The following TUBGCP5 variants were observed in gnomAD, a reference collection of about 807,000 sequenced individuals.
TUBGCP5 encodes the protein gamma-tubulin complex component 5.
TUBGCP5 carries 98 observed loss-of-function variants against 134.7 expected under a neutral mutation model. The ratio of observed to expected loss-of-function variants is 0.73; its 90% CI spans 0.62 to 0.86. The LOEUF (loss-of-function observed/expected upper bound fraction) is 0.86. Among genes scored for constraint, TUBGCP5 ranks in the 40% least tolerant of loss-of-function variants. TUBGCP5 has a pLI of 0.00. For synonymous variants in TUBGCP5, 456 were observed against 431.4 expected, an observed-to-expected ratio of 1.06 and a Z score of -0.71; for missense variants, 1,150 against 1,244.8, an observed-to-expected ratio of 0.92 and a Z score of 1.15.
Position 23,027,272 on chromosome 15 carries a change from A to T in TUBGCP5, c.657T>A (p.His219Gln). 1 of 1,613,998 alleles carries T rather than the reference A, an allele frequency of 6.2e-7. No individual in the cohort carries two copies. Among genetic ancestry groups the T allele is most frequent in the Admixed American group, 1.7e-5 (1 of 59,942 alleles). ...EPDDRSWLEH[H>Q]VVHQYWTARP... ...TGGCTGTCCAGTACTGATGGACCAC[A>T]TGATGTTCCAGCCAGCTTCGGTCAT... Residue 219 changes from histidine (H) to glutamine (Q), a missense_variant, in exon 7 of 23, where the codon CAT (histidine) becomes CAA (glutamine). His to Gln is a conservative substitution (Grantham distance 24, BLOSUM62 0). This residue lies in a region of TUBGCP5 where 453 missense variants were observed against 394.7 expected (regional missense o/e 1.15). Transcript: ENST00000615383.
chr15:22,995,237 C>A (rs1176362071), downstream of TUBGCP5, among the ~76,000 whole-genome samples: 1 of 151,662 alleles, frequency 6.6e-6, no homozygotes, highest in African/African-American at 2.4e-5. Context: ...GAGCGAGAAT[C>A]TGTCTAAAAT....
chr15:23,017,555 T>C (rs1246806834), intron 13 of TUBGCP5, among the ~76,000 whole-genome samples: 1 of 152,152 alleles, frequency 6.6e-6, no homozygotes, highest in East Asian at 1.9e-4. Context: ...TTATCGTCAC[T>C]GCCTTTTCAA....
At position 23,004,243 on chromosome 15, in the gene TUBGCP5, TA is replaced by T. The variant is rs767053553; in HGVS notation, c.2713-17del. The T allele has an allele frequency of 3.7e-6, 6 of 1,603,308 alleles. No individual in the cohort carries two copies. The highest frequency in any genetic ancestry group is 5.1e-6 in the Non-Finnish European group (6 of 1,177,256). ...TGTGTAGAATCTTGGAAGAGAAAGA[TA>T]AAAAGCTTCATCAGCAGCCTTCTTT... On this transcript the variant is annotated splice_polypyrimidine_tract_variant and intron_variant, in intron 19 of 22. Transcript: ENST00000615383.
intron 13 of TUBGCP5, among the ~76,000 whole-genome samples, chr15:23,014,989 TG>T (rs1488821884): frequency 2.6e-5 from 4 of 152,142 alleles, no homozygotes; most frequent in African/African-American, 7.2e-5. Context: ...TCCCAAACCC[TG>T]AGCCAGACCC....
At chr15:23,036,381 G>C (rs1231195517) in intron 3 of TUBGCP5, among the ~76,000 whole-genome samples, 1 of 152,156 alleles carries the variant, frequency 6.6e-6, no homozygotes, top group East Asian at 1.9e-4. Context: ...GCTTCTCCTA[G>C]ACTTTGCTCT....
rs758290609 is a variant in TUBGCP5 at position 23,039,433 on chromosome 15, G to A, written c.111C>T (p.Phe37=). The stretch of plus-strand genomic sequence containing the variant: ...ACCAGGCGAAGTTTAGGGCGAGCTG[G>A]AAGTTGGGGTCTGCCTCGTCCTGGA... ...AGLQDEADPN[F]QLALNFAWSN... The change falls in exon 1 of 23, where the codon TTC becomes TTT. Residue 37 remains phenylalanine, a synonymous_variant. Coordinates refer to ENST00000615383, the MANE Select transcript of TUBGCP5 (RefSeq NM_052903.6). 9.5e-5 allele frequency: 146 copies of A among 1,533,788 alleles called. 1 individual carries two copies. Among genetic ancestry groups the A allele is most frequent in the Middle Eastern group, 8.5e-4 (5 of 5,874 alleles).
chr15:22,984,982 C>T (rs1261664930), intron 23 of TUBGCP5, among the ~76,000 whole-genome samples: 1 of 152,136 alleles, frequency 6.6e-6, no homozygotes, highest in Admixed American at 6.5e-5. Flanking sequence ...ATATAACAGA[C>T]AGAGAGTTTG....
At chr15:23,006,494 A>G (rs1487001545) in intron 16 of TUBGCP5, 142 bp from the exon 17 acceptor site, 1 of 659,536 alleles carries the variant, frequency 1.5e-6, no homozygotes, top group African/African-American at 1.9e-5. Flanking sequence ...ATTCCAACAA[A>G]TGTATCTCTT....
chr15:23,004,306 A>C, intron 19 of TUBGCP5, 79 bp from the exon 20 acceptor site: 6 of 1,526,098 alleles, frequency 3.9e-6, no homozygotes, highest in South Asian at 1.2e-5. Context: ...TTTTTTACTA[A>C]GCTCTTCTAC....
At chr15:23,011,057 C>A (rs1418267211) in intron 14 of TUBGCP5, 76 bp downstream of exon 14, 44 of 1,469,986 alleles carry the variant, frequency 3.0e-5, no homozygotes, top group Non-Finnish European at 4.0e-5. Context: ...GCCCTACCTG[C>A]CAGAAATAAA....
rs747392978 is a variant in TUBGCP5 at position 23,009,951 on chromosome 15, TC to T, written c.2137del (p.Asp713IlefsTer5). 6.2e-7 allele frequency: 1 copy of T among 1,611,940 alleles called. No homozygotes were observed. Among genetic ancestry groups the T allele is most frequent in the Non-Finnish European group, 8.5e-7 (1 of 1,178,726 alleles). ...AATTAAATTACTCTTTTACCTGTAATCTTTTTTTAGAGTTTGCATGAGATTT... is the reference window on the plus strand; with the variant it reads ...AATTAAATTACTCTTTTACCTGTAATTTTTTTTAGAGTTTGCATGAGATTT... ...CGNLMQTLKKDYRLVEYLQAM... is the reference protein window; with the variant it reads ...CGNLMQTLKKXYRLVEYLQAM... On this transcript the variant is annotated frameshift_variant, in exon 15 of 23. Coordinates refer to ENST00000615383, the MANE Select transcript of TUBGCP5 (RefSeq NM_052903.6). LOFTEE classifies it high-confidence loss of function.
At chr15:23,003,258 A>G in intron 20 of TUBGCP5, 105 bp from the exon 21 acceptor site, 1 of 1,094,204 alleles carries the variant, frequency 9.1e-7, no homozygotes, top group Non-Finnish European at 1.4e-6. Flanking sequence ...TCATCACCAC[A>G]GTGACTGCCT....
intron 23 of TUBGCP5, among the ~76,000 whole-genome samples, chr15:22,993,525 GTTTTTTT>G (rs71414252): frequency 2.0e-4 from 14 of 69,270 alleles, no homozygotes; most frequent in Admixed American, 3.9e-4. Flanking sequence ...AGCCCCCGAA[GTTTTTTT>G]TTTTTTTTTT....
intron 19 of TUBGCP5, 72 bp downstream of exon 19, chr15:23,005,360 G>A (rs1307943819): frequency 6.7e-7 from 1 of 1,500,800 alleles, no homozygotes; most frequent in Non-Finnish European, 9.0e-7. Context: ...TATAAACATA[G>A]TATGAGTAAT....
At chr15:23,017,709 G>T in intron 13 of TUBGCP5, 64 bp downstream of exon 13, 2 of 1,486,102 alleles carry the variant, frequency 1.3e-6, no homozygotes, top group South Asian at 1.3e-5. Flanking sequence ...GTATCAGGAT[G>T]ACAAGAGCGA....
In TUBGCP5 at chr15:23,039,402, A is replaced by C; in HGVS notation, c.142T>G (p.Phe48Val). The C allele has an allele frequency of 6.7e-7, 1 of 1,495,364 alleles. No individual in the cohort carries two copies. 92.6% of individuals were successfully genotyped at this position (1,495,364 alleles called of 1,614,324 possible). ...QLALNFAWSNFRFHRFLDVNS... is the reference protein window; with the variant it reads ...QLALNFAWSNVRFHRFLDVNS... ...CCCGCGCGCCGTGCCCCACACCTGA[A>C]GTTGGACCAGGCGAAGTTTAGGGCG... The change falls in exon 1 of 23, where the codon TTC (phenylalanine) becomes GTC (valine). Residue 48 changes from phenylalanine to valine, a missense_variant. Around this residue, in one of 2 missense-constraint regions of TUBGCP5, gnomAD observed 453 missense variants for 394.7 expected, o/e 1.15. Transcript: ENST00000615383.
intron 12 of TUBGCP5, 88 bp downstream of exon 12, chr15:23,019,131 G>A: frequency 3.2e-6 from 3 of 925,262 alleles, no homozygotes; most frequent in Admixed American, 2.1e-5. Flanking sequence ...TCTCAGTACT[G>A]TCTGAAACTA....
At chr15:22,996,347 T>TA (rs1191778731), downstream of TUBGCP5, among the ~76,000 whole-genome samples, 5 of 151,902 alleles carry the variant, frequency 3.3e-5, no homozygotes, top group African/African-American at 1.2e-4. Context: ...TTGTGCTCAT[T>TA]AAAAAAAATG....
downstream of TUBGCP5, among the ~76,000 whole-genome samples, chr15:22,998,208 G>A (rs1463913959): frequency 1.3e-5 from 2 of 151,934 alleles, no homozygotes; most frequent in Non-Finnish European, 2.9e-5. Flanking sequence ...CCAGCTACTC[G>A]GGAGGCTGAG....
Sources: allele counts gnomAD v4.1 joint callset (sites outside exome capture counted in the v4.1 genomes callset), GRCh38; gene constraint gnomAD v4.1.1; regional missense constraint gnomAD v4.1.1; transcripts MANE v1.5; gene names NCBI Gene and HGNC (gene_info 2026-07-23, HGNC 2026-07-21).